Variants in ABCA3 observed in about 807,000 individuals in gnomAD.
ABCA3 encodes phospholipid-transporting ATPase ABCA3.
In ABCA3, 88 loss-of-function variants were observed where a neutral mutation model predicts 172.8. The observed-to-expected ratio is 0.51, with a 90% confidence interval of 0.43 to 0.61. The LOEUF (loss-of-function observed/expected upper bound fraction) is 0.61. Among genes scored for constraint, ABCA3 ranks in the 20% least tolerant of loss-of-function variants. The pLI is 0.00. For missense variants in ABCA3, 2,164 were observed against 2,301.0 expected, an observed-to-expected ratio of 0.94 and a Z score of 1.22; for synonymous variants, 1,066 against 983.8, an observed-to-expected ratio of 1.08 and a Z score of -1.56.
chr16:2,334,930 G>C (rs1448800797), intron 1 of ABCA3, among the ~76,000 whole-genome samples: 1 of 151,128 alleles, frequency 6.6e-6, no homozygotes, highest in Non-Finnish European at 1.5e-5. Flanking sequence ...CTGAGTTCAA[G>C]CGATTCTCCT....
At position 2,288,085 on chromosome 16, in the gene ABCA3, A is replaced by C; in HGVS notation, c.2945T>G (p.Leu982Arg). ...VPGTSQLGQQ[L>R]SEHLKDALQA... ...CAGTGCGTCTTTCAGATGCTCTGAC[A>C]GCTGCTGACCCAGCTGGGAGGTCCC... The change falls in exon 21 of 33, where the codon CTG (leucine) becomes CGG (arginine). Residue 982 changes from leucine to arginine, a missense_variant. Coordinates refer to ENST00000301732, the MANE Select transcript of ABCA3 (RefSeq NM_001089.3). The C allele has an allele frequency of 1.2e-6, 2 of 1,613,452 alleles. No homozygotes were observed. Among genetic ancestry groups the C allele is most frequent in the Non-Finnish European group, 1.7e-6 (2 of 1,180,004 alleles).
rs774942453 is a variant in ABCA3, at chr16:2,278,987, G to A, written c.4503C>T (p.Gly1501=). Residue 1501 remains glycine, a synonymous_variant, in exon 29 of 33, where the codon GGC becomes GGT. Coordinates refer to ENST00000301732, the MANE Select transcript of ABCA3 (RefSeq NM_001089.3). The surrounding 1 kb of genome is among the most constrained non-coding windows in gnomAD (Gnocchi z 4.4). ...TGTTGGCATGTGGCTCCAGCAGCAG[G>A]CCCCGCAGAGTGTTCTCCACGCAGG... ...IGACVENTLR[G]LLLEPHANKL... 2.5e-6 allele frequency: 4 copies of A among 1,613,426 alleles called. No homozygotes were observed. Among genetic ancestry groups the A allele is most frequent in the Admixed American group, 1.7e-5 (1 of 60,010 alleles).
At chr16:2,301,148 G>C (rs547479983) in intron 12 of ABCA3, among the ~76,000 whole-genome samples, 1 of 149,346 alleles carries the variant, frequency 6.7e-6, no homozygotes, top group Non-Finnish European at 1.5e-5. Context: ...GGAGAATGGC[G>C]TGAACCCGGG....
At position 2,286,732 on chromosome 16, in the gene ABCA3, G is replaced by A. The variant is rs910493942; in HGVS notation, c.3240C>T (p.Pro1080=). 2.1e-5 allele frequency: 34 copies of A among 1,613,746 alleles called. No individual in the cohort carries two copies. The highest frequency in any genetic ancestry group is 1.7e-4 in the Middle Eastern group (1 of 5,950). ...CCTTGGCAGCCTGCAGGGCGCTCCG[G>A]GGCTGGGGGAAGTTGGAGACCACAA... is the stretch of plus-strand genomic sequence containing the variant. ...ASIVVSNFPQ[P]RSALQAAKDQ... The change falls in exon 22 of 33, where the codon CCC becomes CCT. Residue 1080 remains proline, a synonymous_variant. Transcript: ENST00000301732. The surrounding 1 kb of genome is among the most constrained non-coding windows in gnomAD (Gnocchi z 5.2).
Position 2,284,142 on chromosome 16 carries a change from G to T in ABCA3, c.3862+137C>A. ...GCGAGGGGGCTGCTGTGGGAGGTGG[G>T]GCAAGGCGGTACAGAGGAACGCACC... is the stretch of plus-strand genomic sequence containing the variant. On this transcript the variant is annotated intron_variant, in intron 25 of 32. Coordinates refer to ENST00000301732, the MANE Select transcript of ABCA3 (RefSeq NM_001089.3). The surrounding 1 kb of genome is among the most constrained non-coding windows in gnomAD (Gnocchi z 5.9). 2 of 1,154,968 alleles carry T rather than the reference G, an allele frequency of 1.7e-6. No homozygotes were observed. The highest frequency in any genetic ancestry group is 2.4e-6 in the Non-Finnish European group (2 of 838,280). 71.5% of individuals were successfully genotyped at this position (1,154,968 alleles called of 1,614,324 possible). A position where few individuals can be genotyped will look rare whatever the true frequency, so the allele number is the denominator to read the frequency against.
chr16:2,325,904 TGA>T, intron 5 of ABCA3, 104 bp downstream of exon 5: 1 of 1,518,214 alleles, frequency 6.6e-7, no homozygotes, highest in South Asian at 1.1e-5. Context: ...CTGCACAGGG[TGA>T]ACTCCTCACC....
rs763811906 is a variant in ABCA3 at position 2,323,635 on chromosome 16, T to C, written c.501A>G (p.Gln167=). Residue 167 remains glutamine (Q), a synonymous_variant, in exon 7 of 33, where the codon CAA becomes CAG. Transcript: ENST00000301732. The stretch of plus-strand genomic sequence containing the variant: ...TCTCTTTCAGGAAAAAGGAGCCTGT[T>C]TGGGTCCACATGTAATTTCTCCGTG... The part of the protein sequence containing the change: ...SYTRRNYMWT[Q]TGSFFLKETE... 2 of 1,614,168 alleles carry C rather than the reference T, an allele frequency of 1.2e-6. No individual in the cohort carries two copies. Among genetic ancestry groups the C allele is most frequent in the Admixed American group, 1.7e-5 (1 of 60,010 alleles).
At chr16:2,324,632 T>C in intron 5 of ABCA3, 101 bp from the exon 6 acceptor site, 2 of 1,541,402 alleles carry the variant, frequency 1.3e-6, no homozygotes, top group Non-Finnish European at 1.8e-6. Context: ...CGGCAAATCC[T>C]CTAGGGCTTT....
chr16:2,326,147 G>C lies in ABCA3; in HGVS notation c.182C>G (p.Ser61Cys). The change falls in exon 5 of 33, where the codon TCC (serine) becomes TGC (cysteine). Residue 61 changes from serine to cysteine, a missense_variant. Transcript: ENST00000301732. ...VPNATIYPGQSIQELPLFFTF... is the reference protein window; with the variant it reads ...VPNATIYPGQCIQELPLFFTF... The stretch of plus-strand genomic sequence containing the variant: ...GAAGAACAGAGGCAGCTCCTGGATG[G>C]ACTGGCCCGGGTAGATGGTGGCGTT... The C allele has an allele frequency of 1.9e-6, 3 of 1,614,162 alleles. No homozygotes were observed. The highest frequency in any genetic ancestry group is 2.5e-6 in the Non-Finnish European group (3 of 1,180,044).
chr16:2,276,421 G>A lies in ABCA3; in HGVS notation c.*253C>T, dbSNP rs1272527312. ...CCAGAGACCCCGGAGCTTGCCCGCAGACTGCCCGGCCTGCCCCAGCTCTGG... is the reference window on the plus strand; with the variant it reads ...CCAGAGACCCCGGAGCTTGCCCGCAAACTGCCCGGCCTGCCCCAGCTCTGG... On this transcript the variant is annotated 3_prime_UTR_variant, in exon 33 of 33. Coordinates refer to ENST00000301732, the MANE Select transcript of ABCA3 (RefSeq NM_001089.3). 2 of 674,632 alleles carry A rather than the reference G, an allele frequency of 3.0e-6. No individual in the cohort carries two copies. Among genetic ancestry groups the A allele is most frequent in the South Asian group, 1.5e-5 (1 of 66,572 alleles). The allele number at this position is 674,632 out of a possible 1,614,324, so 41.8% of individuals were successfully genotyped here. A position where few individuals can be genotyped will look rare whatever the true frequency, so the allele number is the denominator to read the frequency against.
chr16:2,316,119 C>G (rs1248478410), intron 10 of ABCA3, among the ~76,000 whole-genome samples: 1 of 135,596 alleles, frequency 7.4e-6, no homozygotes, highest in African/African-American at 2.8e-5. Flanking sequence ...GAGTTCAAGA[C>G]CAGTCTGGGA....
intron 1 of ABCA3, among the ~76,000 whole-genome samples, chr16:2,337,188 T>A (rs2093753200): frequency 6.6e-6 from 1 of 151,974 alleles, no homozygotes. Flanking sequence ...GTGCTGGGTA[T>A]ACAGGTGTGA....
chr16:2,299,205 C>T lies in ABCA3; in HGVS notation c.1741+198G>A, dbSNP rs114077531. 0.084 allele frequency among the ~76,000 whole-genome samples: 12,547 copies of T among 148,890 alleles called. 587 individuals carry two copies. The highest frequency in any genetic ancestry group is 0.096 in the African/African-American group (3,844 of 40,140). ...AGGGCAGGGGTCCCTGGGGGTCCCC[C>T]GGCATGTCCCGGACAGAGGCGGTGA... On this transcript the variant is annotated intron_variant, in intron 14 of 32. Coordinates refer to ENST00000301732, the MANE Select transcript of ABCA3 (RefSeq NM_001089.3).
chr16:2,292,321 C>A (rs993614491), intron 18 of ABCA3, 83 bp from the exon 19 acceptor site: 4 of 1,188,854 alleles, frequency 3.4e-6, no homozygotes, highest in Non-Finnish European at 4.9e-6. Context: ...CCCCCTCGGC[C>A]AGGCACAGTG....
At position 2,284,520 on chromosome 16, in the gene ABCA3, G is replaced by A; in HGVS notation, c.3704-83C>T. On this transcript the variant is annotated intron_variant, in intron 24 of 32. Transcript: ENST00000301732. This position sits in a 1 kb window ranked among gnomAD's most constrained non-coding sequence, Gnocchi z 5.9. ...GACGGGCCTGGTCAGGGCGGGCACA[G>A]GGCCTTATCCGTGCTGTGTGGAGTG... is the stretch of plus-strand genomic sequence containing the variant. The A allele has an allele frequency of 6.4e-7, 1 of 1,572,882 alleles. No individual in the cohort carries two copies. The highest frequency in any genetic ancestry group is 8.7e-7 in the Non-Finnish European group (1 of 1,145,528).
intron 15 of ABCA3, among the ~76,000 whole-genome samples, 158 bp from the exon 16 acceptor site, chr16:2,298,079 G>C (rs2093682951): frequency 7.7e-6 from 1 of 129,552 alleles, no homozygotes; most frequent in Non-Finnish European, 1.7e-5. Context: ...TCTGGTGAGA[G>C]GAACCTCTCC....
chr16:2,330,801 C>T (rs1474773248), intron 1 of ABCA3, among the ~76,000 whole-genome samples: 1 of 151,024 alleles, frequency 6.6e-6, no homozygotes, highest in Non-Finnish European at 1.5e-5. Flanking sequence ...CAGGTTCACG[C>T]CATTCTCCTG....
At position 2,278,958 on chromosome 16, in the gene ABCA3, A is replaced by G. The variant is rs2093650962; in HGVS notation, c.4532T>C (p.Leu1511Pro). The change falls in exon 29 of 33, where the codon CTG (leucine) becomes CCG (proline). Residue 1511 changes from leucine to proline, a missense_variant. Physicochemically the swap from Leu to Pro is moderately conservative, Grantham distance 98 (BLOSUM62 -3). Coordinates refer to ENST00000301732, the MANE Select transcript of ABCA3 (RefSeq NM_001089.3). The surrounding 1 kb of genome is among the most constrained non-coding windows in gnomAD (Gnocchi z 4.4). ...GLLLEPHANK[L>P]VRTYSGGNKR... ...GGAGGTGCACCTGTACGTCCTGACC[A>G]GCTTGTTGGCATGTGGCTCCAGCAG... 1 of 1,613,580 alleles carries G rather than the reference A, an allele frequency of 6.2e-7. No homozygotes were observed. Among genetic ancestry groups the G allele is most frequent in the Non-Finnish European group, 8.5e-7 (1 of 1,180,038 alleles).
chr16:2,316,159 A>T (rs1291317135), intron 10 of ABCA3, among the ~76,000 whole-genome samples: 1 of 140,114 alleles, frequency 7.1e-6, no homozygotes, highest in East Asian at 2.4e-4. Flanking sequence ...AAAAAAAAAA[A>T]AAGCTAGGTG....
Sources: allele counts gnomAD v4.1 joint callset (sites outside exome capture counted in the v4.1 genomes callset), GRCh38; gene constraint gnomAD v4.1.1; non-coding constraint Gnocchi (gnomAD v3.1); transcripts MANE v1.5; gene names NCBI Gene and HGNC (gene_info 2026-07-23, HGNC 2026-07-21).